The following CR1 variants were observed in gnomAD, a reference collection of about 807,000 sequenced individuals.
CR1 encodes the protein complement receptor type 1.
CR1 carries 116 observed loss-of-function variants against 187.3 expected under a neutral mutation model. The observed-to-expected ratio is 0.62, with a 90% CI of 0.53 to 0.72. The LOEUF is 0.72. Ranked by LOEUF, CR1 falls within the 30% of genes least tolerant of loss-of-function variation. The pLI is 0.00. For missense variants in CR1, 1,731 were observed against 2,110.7 expected (o/e 0.82, Z 3.52); for synonymous variants, 576 against 747.1 (o/e 0.77, Z 3.73).
chr1:207,565,728 T>A (rs1336526673), intron 23 of CR1, 110 bp from the exon 24 acceptor site: 1 of 1,442,668 alleles, frequency 6.9e-7, no homozygotes, highest in African/African-American at 1.5e-5. Context: ...CTCTGCCATC[T>A]GCTGGCCTCA....
rs1476474253 is a variant in CR1, at chr1:207,554,619, A to T, written c.3101+1768A>T. 9.4e-5 allele frequency among the ~76,000 whole-genome samples: 3 copies of T among 31,778 alleles called. 1 individual carries two copies. 20.8% of individuals were successfully genotyped at this position (31,778 alleles called of 152,430 possible). A position where few individuals can be genotyped will look rare whatever the true frequency, so the allele number is the denominator to read the frequency against. On this transcript the variant is annotated intron_variant, in intron 19 of 46. Transcript: ENST00000367049. ...GCCCATGGCTGAAGGAGTAATTTTG[A>T]CTTTCAAGTTTCACTATTTAAGAAA... is the stretch of plus-strand genomic sequence containing the variant.
At chr1:207,511,439 T>TA in intron 3 of CR1, 130 bp from the exon 4 acceptor site, 3 of 752,686 alleles carry the variant, frequency 4.0e-6, no homozygotes, top group Non-Finnish European at 6.1e-6. Context: ...GGGAAAGTGA[T>TA]AGATAGTCCT....
chr1:207,636,436 TG>T (rs1662815531), intron 46 of CR1, among the ~76,000 whole-genome samples: 3 of 135,864 alleles, frequency 2.2e-5, no homozygotes, highest in African/African-American at 1.0e-4. Flanking sequence ...ATTATAAACT[TG>T]GGGTGTAATA....
At position 207,584,689 on chromosome 1, in the gene CR1, A is replaced by G. The variant is rs1661057689; in HGVS notation, c.5343A>G (p.Arg1781=). Residue 1781 remains arginine (R), a synonymous_variant, in exon 33 of 47, where the codon AGA becomes AGG. Transcript: ENST00000367049. ...CPNPPAILNG[R]HTGTPSGDIP... ...ATCCTCCAGCTATCCTTAATGGGAG[A>G]CACACAGGAACTCCCTCTGGAGATA... The G allele has an allele frequency of 1.2e-6, 2 of 1,613,530 alleles. No individual in the cohort carries two copies. The highest frequency in any genetic ancestry group is 1.7e-6 in the Non-Finnish European group (2 of 1,179,666).
intron 46 of CR1, among the ~76,000 whole-genome samples, chr1:207,633,609 G>C (rs982596769): frequency 6.6e-6 from 1 of 152,142 alleles, no homozygotes; most frequent in Non-Finnish European, 1.5e-5. Context: ...CATACATTGT[G>C]CTTATGTGTG....
At chr1:207,592,817 A>G (rs1661312781) in intron 35 of CR1, among the ~76,000 whole-genome samples, 1 of 152,186 alleles carries the variant, frequency 6.6e-6, no homozygotes, top group Non-Finnish European at 1.5e-5. Flanking sequence ...ACAGCGAGCC[A>G]AATCATGAGT....
intron 4 of CR1, among the ~76,000 whole-genome samples, chr1:207,516,231 T>C (rs998876080): frequency 2.6e-5 from 4 of 152,110 alleles, no homozygotes; most frequent in Non-Finnish European, 5.9e-5. Flanking sequence ...GGATGGGCAA[T>C]AGATCTAATA....
intron 5 of CR1, among the ~76,000 whole-genome samples, chr1:207,526,533 G>C (rs1660178056): frequency 1.3e-5 from 2 of 151,366 alleles, no homozygotes. Context: ...ATGAATTGGA[G>C]ATACCTCTGT....
intron 4 of CR1, among the ~76,000 whole-genome samples, chr1:207,515,203 A>C (rs1420269002): frequency 7.6e-6 from 1 of 131,872 alleles, no homozygotes; most frequent in Non-Finnish European, 1.5e-5. Flanking sequence ...ATACATATAC[A>C]TATATAGGTA....
At position 207,635,092 on chromosome 1, in the gene CR1, G is replaced by A. The variant is rs56237243; in HGVS notation, c.7458-4305G>A. Among the ~76,000 whole-genome samples the A allele has an allele frequency of 7.9e-5, 12 of 152,236 alleles. 1 individual carries two copies. In the South Asian group the frequency reaches 8.3e-4, roughly 11 times the overall value. On this transcript the variant is annotated intron_variant, in intron 46 of 46. Coordinates refer to ENST00000367049, the MANE Select transcript of CR1 (RefSeq NM_000651.6). Reference sequence around the variant, plus strand: ...AGGGCAATAAACACTTCTAATGACCGTGTAATTTATATGGAATGCTGAAGG... The same window carrying A: ...AGGGCAATAAACACTTCTAATGACCATGTAATTTATATGGAATGCTGAAGG...
intron 28 of CR1, 124 bp downstream of exon 28, chr1:207,575,804 G>A (rs1354377301): frequency 1.4e-6 from 2 of 1,477,146 alleles, no homozygotes; most frequent in African/African-American, 2.8e-5. Context: ...GAAGAATCTA[G>A]TCATATCCTT....
At chr1:207,584,047 C>T (rs1284195292) in intron 32 of CR1, among the ~76,000 whole-genome samples, 1 of 151,806 alleles carries the variant, frequency 6.6e-6, no homozygotes, top group East Asian at 1.9e-4. Context: ...CTCAAAAAAC[C>T]GTAACATTCT....
chr1:207,499,417 TATG>T (rs1261778467), intron 1 of CR1, among the ~76,000 whole-genome samples: 8 of 152,244 alleles, frequency 5.3e-5, no homozygotes, highest in African/African-American at 9.6e-5. Context: ...TGGAGACTTC[TATG>T]ATATCTTTCT....
intron 34 of CR1, 52 bp downstream of exon 34, chr1:207,587,617 G>T: frequency 6.4e-7 from 1 of 1,552,968 alleles, no homozygotes; most frequent in South Asian, 1.2e-5. Flanking sequence ...GCATAGGTGG[G>T]ACCGGGCTTG....
intron 4 of CR1, among the ~76,000 whole-genome samples, chr1:207,513,874 G>C (rs912884285): frequency 3.3e-5 from 5 of 151,280 alleles, no homozygotes; most frequent in Non-Finnish European, 5.9e-5. Flanking sequence ...ATTGAACATT[G>C]GTAGCAATAG....
intron 27 of CR1, among the ~76,000 whole-genome samples, chr1:207,573,289 A>T (rs116090134): frequency 0.013 from 2,003 of 152,292 alleles, 18 homozygotes; most frequent in Middle Eastern, 0.041. Context: ...ACTGAAAGGA[A>T]GTTTGTGGTG....
chr1:207,588,587 T>C (rs571506849), intron 34 of CR1, 88 bp from the exon 35 acceptor site: 2 of 824,346 alleles, frequency 2.4e-6, no homozygotes, highest in South Asian at 3.0e-5. Context: ...GAACTGTATA[T>C]GCTGTTTAGT....
intron 46 of CR1, among the ~76,000 whole-genome samples, chr1:207,632,797 C>CAAAAAAAAAAAAAAAAAAAAA (rs55649027): frequency 3.7e-5 from 4 of 107,658 alleles, no homozygotes; most frequent in Admixed American, 9.5e-5. Context: ...GACTCCGTCT[C>CAAAAAAAAAAAAAAAAAAAAA]AAAAAAAAAA....
At chr1:207,578,376 G>A (rs1395797916) in intron 29 of CR1, among the ~76,000 whole-genome samples, 173 bp downstream of exon 29, 1 of 152,192 alleles carries the variant, frequency 6.6e-6, no homozygotes, top group African/African-American at 2.4e-5. Flanking sequence ...CCATGCATAT[G>A]TGTCTTCATT....
Sources: allele counts gnomAD v4.1 joint callset (sites outside exome capture counted in the v4.1 genomes callset), GRCh38; gene constraint gnomAD v4.1.1; transcripts MANE v1.5; gene names NCBI Gene and HGNC (gene_info 2026-07-23, HGNC 2026-07-21).